KCNQ3: variants seen among roughly 807,000 people sequenced by gnomAD.
KCNQ3 encodes the protein potassium voltage-gated channel subfamily KQT member 3.
KCNQ3 carries 30 observed loss-of-function variants against 92.5 expected under a neutral mutation model. The ratio of observed to expected loss-of-function variants is 0.32; its 90% CI spans 0.24 to 0.44. KCNQ3 has a LOEUF of 0.44. Ranked by LOEUF, KCNQ3 falls within the 20% of genes least tolerant of loss-of-function variation. The probability of loss-of-function intolerance (pLI) is 1.00; values close to 1 mark genes in which losing one functional copy is unlikely to be tolerated. For synonymous variants in KCNQ3, 450 were observed against 468.8 expected, an observed-to-expected ratio of 0.96 and a Z score of 0.52; for missense variants, 913 against 1,140.3, an observed-to-expected ratio of 0.80 and a Z score of 2.87.
chr8:132,221,823 C>A (rs1421290474), intron 1 of KCNQ3, among the ~76,000 whole-genome samples: 1 of 152,108 alleles, frequency 6.6e-6, no homozygotes, highest in Non-Finnish European at 1.5e-5. Context: ...GGAAAGGATC[C>A]CCTATTTAAT....
chr8:132,213,004 C>T (rs1813908261), intron 1 of KCNQ3, among the ~76,000 whole-genome samples: 1 of 152,206 alleles, frequency 6.6e-6, no homozygotes, highest in Admixed American at 6.5e-5. Context: ...GAGTTCAGGA[C>T]ACCTGCATGA....
chr8:132,272,457 T>A (rs551079067), intron 1 of KCNQ3, among the ~76,000 whole-genome samples: 1 of 152,352 alleles, frequency 6.6e-6, no homozygotes, highest in Non-Finnish European at 1.5e-5. Context: ...AACTGAGCCC[T>A]CTGGCAGGTC....
chr8:132,460,130 C>T (rs1475497001), intron 1 of KCNQ3, among the ~76,000 whole-genome samples: 3 of 152,028 alleles, frequency 2.0e-5, no homozygotes, highest in African/African-American at 7.2e-5. Context: ...TTTCCTGCCC[C>T]ATCCTAGAAT....
rs1821750019 is a variant in KCNQ3 at position 132,448,657 on chromosome 8, C to A, written c.386+31490G>T. ...AAGCAAAAGCAATCTCTGGTCACAG[C>A]TAGAAAACTATTATTTGCGTTTCTA... On this transcript the variant is annotated intron_variant, in intron 1 of 14. Coordinates refer to ENST00000388996, the MANE Select transcript of KCNQ3 (RefSeq NM_004519.4). Among the ~76,000 whole-genome samples the A allele has an allele frequency of 2.0e-5, 3 of 152,144 alleles. No homozygotes were observed. In the South Asian group the frequency reaches 6.2e-4, roughly 31 times the overall value.
intron 1 of KCNQ3, among the ~76,000 whole-genome samples, chr8:132,299,706 A>G (rs1359500580): frequency 6.6e-6 from 1 of 152,240 alleles, no homozygotes; most frequent in Non-Finnish European, 1.5e-5. Context: ...TTTGGAAAAT[A>G]TCACACAATT....
At chr8:132,373,600 C>A (rs902881728) in intron 1 of KCNQ3, among the ~76,000 whole-genome samples, 1 of 152,168 alleles carries the variant, frequency 6.6e-6, no homozygotes, top group South Asian at 2.1e-4. Flanking sequence ...CCCAGGTCAC[C>A]TAGCTAACCA....
chr8:132,445,772 A>G (rs1821661221), intron 1 of KCNQ3, among the ~76,000 whole-genome samples: 1 of 151,236 alleles, frequency 6.6e-6, no homozygotes, highest in Non-Finnish European at 1.5e-5. Flanking sequence ...AAGTCTCACA[A>G]CTACCCCATT....
intron 1 of KCNQ3, among the ~76,000 whole-genome samples, chr8:132,244,636 G>A (rs899014030): frequency 3.3e-5 from 5 of 152,154 alleles, no homozygotes; most frequent in Admixed American, 1.3e-4. Flanking sequence ...CAAAATCTAT[G>A]TTTGGGAAAA....
chr8:132,448,402 T>C (rs1821737008), intron 1 of KCNQ3, among the ~76,000 whole-genome samples: 1 of 148,470 alleles, frequency 6.7e-6, no homozygotes, highest in African/African-American at 2.5e-5. Flanking sequence ...CCTCTGAAAG[T>C]GTCAAGGGAG....
chr8:132,208,727 G>A (rs571754842), intron 1 of KCNQ3, among the ~76,000 whole-genome samples: 26 of 152,204 alleles, frequency 1.7e-4, no homozygotes, highest in African/African-American at 5.8e-4. Context: ...CCTGCAAAAC[G>A]GGTCTAATCA....
intron 1 of KCNQ3, among the ~76,000 whole-genome samples, chr8:132,373,892 G>A (rs565721392): frequency 6.6e-6 from 1 of 152,024 alleles, no homozygotes; most frequent in Non-Finnish European, 1.5e-5. Context: ...TGCAGGCCAC[G>A]GCAACCCCCT....
At chr8:132,149,343 G>A (rs372062205) in intron 9 of KCNQ3, among the ~76,000 whole-genome samples, 1 of 152,134 alleles carries the variant, frequency 6.6e-6, no homozygotes, top group Non-Finnish European at 1.5e-5. Flanking sequence ...GTGAGATGGC[G>A]GCCTGTTAAT....
intron 1 of KCNQ3, among the ~76,000 whole-genome samples, chr8:132,252,855 C>A (rs1024897531): frequency 2.0e-5 from 3 of 152,168 alleles, no homozygotes; most frequent in African/African-American, 7.2e-5. Context: ...GCTGGCTTCA[C>A]CTCTCAGGCC....
chr8:132,425,508 G>A (rs999497836), intron 1 of KCNQ3, among the ~76,000 whole-genome samples: 3 of 152,078 alleles, frequency 2.0e-5, no homozygotes, highest in African/African-American at 4.8e-5. Flanking sequence ...CACACAGTAC[G>A]AACTGATATC....
At position 132,399,957 on chromosome 8, in the gene KCNQ3, G is replaced by A. The variant is rs934520604; in HGVS notation, c.386+80190C>T. Among the ~76,000 whole-genome samples, 5 of 152,160 alleles carry A rather than the reference G, an allele frequency of 3.3e-5. No individual in the cohort carries two copies. In the South Asian group the frequency reaches 6.2e-4, roughly 19 times the overall value. On this transcript the variant is annotated intron_variant, in intron 1 of 14. Transcript: ENST00000388996. Reference sequence around the variant, plus strand: ...GCTAATTGGATGATCTTTACATCAGGTTTTCTGGCTCCCAATCCTGGACAA... The same window carrying A: ...GCTAATTGGATGATCTTTACATCAGATTTTCTGGCTCCCAATCCTGGACAA...
At chr8:132,460,440 T>C (rs1822036018) in intron 1 of KCNQ3, among the ~76,000 whole-genome samples, 1 of 152,190 alleles carries the variant, frequency 6.6e-6, no homozygotes, top group Non-Finnish European at 1.5e-5. Flanking sequence ...AAACTCTCAC[T>C]TCAGTGGTGA....
At chr8:132,140,919 C>T in intron 10 of KCNQ3, 1 of 585,384 alleles carries the variant, frequency 1.7e-6, no homozygotes, top group East Asian at 2.9e-5. Flanking sequence ...TGGGAGCCTG[C>T]AGCCCTAGAC....
chr8:132,308,408 T>C (rs1041186422), intron 1 of KCNQ3, among the ~76,000 whole-genome samples: 1 of 152,114 alleles, frequency 6.6e-6, no homozygotes, highest in Non-Finnish European at 1.5e-5. Context: ...GAGAAGAAGA[T>C]AACAAACTCA....
At chr8:132,160,437 A>AT (rs1274086782) in intron 9 of KCNQ3, among the ~76,000 whole-genome samples, 3 of 152,184 alleles carry the variant, frequency 2.0e-5, no homozygotes, top group African/African-American at 2.4e-5. Flanking sequence ...GAATTAGGTC[A>AT]TTTTTTATAG....
Sources: gnomAD v4.1 joint callset for allele counts (sites outside exome capture counted in the v4.1 genomes callset) on GRCh38, gnomAD v4.1.1 for gene constraint, MANE v1.5 for transcripts, NCBI Gene and HGNC (gene_info 2026-07-23, HGNC 2026-07-21) for gene names.